The following TBC1D13 variants were observed in gnomAD, a reference collection of about 807,000 sequenced individuals.
TBC1D13 encodes the protein epididymis secretory sperm binding protein.
TBC1D13 carries 40 observed loss-of-function variants against 53.6 expected under a neutral mutation model. The observed-to-expected ratio is 0.75, with a 90% CI of 0.58 to 0.97. The LOEUF is 0.97. TBC1D13 is among the 50% of genes least tolerant of loss of function. The pLI is 0.00. For missense variants in TBC1D13, 377 were observed against 499.4 expected (o/e 0.75, Z 2.34); for synonymous variants, 182 against 197.7 (o/e 0.92, Z 0.67).
intron 2 of TBC1D13, among the ~76,000 whole-genome samples, chr9:128,789,559 C>G (rs568408738): frequency 6.6e-6 from 1 of 151,692 alleles, no homozygotes; most frequent in South Asian, 2.1e-4. Flanking sequence ...TTCCTTCTTA[C>G]GACAATTACG....
chr9:128,794,912 A>G (rs1438128392), intron 6 of TBC1D13, among the ~76,000 whole-genome samples: 1 of 151,718 alleles, frequency 6.6e-6, no homozygotes, highest in Non-Finnish European at 1.5e-5. Context: ...TCTAGACACC[A>G]TCTCCCAACT....
chr9:128,804,925 C>T (rs150031333), intron 9 of TBC1D13, among the ~76,000 whole-genome samples: 4,482 of 151,042 alleles, frequency 0.03, 199 homozygotes, highest in African/African-American at 0.1. Flanking sequence ...GATGGGATTT[C>T]GCTGTGTTGG....
chr9:128,800,963 A>C lies in TBC1D13; in HGVS notation c.544-2287A>C, dbSNP rs189979499. Among the ~76,000 whole-genome samples the C allele has an allele frequency of 5.2e-3, 792 of 152,112 alleles. 11 individuals are homozygous for C. Among genetic ancestry groups the C allele is most frequent in the African/African-American group, 0.018 (752 of 41,500 alleles). The stretch of plus-strand genomic sequence containing the variant: ...GATCACCTGAAGTCAGGAGTTTGAG[A>C]CCAGCCTGACCAACATGGTGGAACC... On this transcript the variant is annotated intron_variant, in intron 7 of 11. Transcript: ENST00000372648.
intron 6 of TBC1D13, among the ~76,000 whole-genome samples, chr9:128,796,242 C>T (rs1363765908): frequency 6.6e-6 from 1 of 151,836 alleles, no homozygotes; most frequent in African/African-American, 2.4e-5. Context: ...CCTCCCACTG[C>T]GCCTGGCTAA....
At chr9:128,788,497 C>A in intron 2 of TBC1D13, 90 bp downstream of exon 2, 4 of 1,199,456 alleles carry the variant, frequency 3.3e-6, no homozygotes, top group Non-Finnish European at 4.9e-6. Flanking sequence ...AGCTCTGGGG[C>A]CCAGCTGCTG....
chr9:128,803,697 T>A (rs566015064), intron 8 of TBC1D13, among the ~76,000 whole-genome samples: 76 of 152,242 alleles, frequency 5.0e-4, no homozygotes, highest in Non-Finnish European at 9.3e-4. Flanking sequence ...TTATAAGATT[T>A]AAATAATGAT....
intron 1 of TBC1D13, 143 bp downstream of exon 1, chr9:128,787,519 C>A: frequency 1.1e-6 from 1 of 875,576 alleles, no homozygotes; most frequent in Non-Finnish European, 1.5e-6. Flanking sequence ...CTTCTAACCT[C>A]ATTGCCTGTG....
chr9:128,803,282 A>C lies in TBC1D13; in HGVS notation c.576A>C (p.Ser192=). ...CCCCACACAAGAACTCTGTGCCATC[A>C]TCCCTAAATGAGTATGAGGTGCTGC... is the stretch of plus-strand genomic sequence containing the variant. ...MSSPHKNSVP[S]SLNEYEVLPN... Residue 192 remains serine, a synonymous_variant, in exon 8 of 12, where the codon TCA becomes TCC. Transcript: ENST00000372648. The C allele has an allele frequency of 6.2e-7, 1 of 1,614,168 alleles. No homozygotes were observed. Among genetic ancestry groups the C allele is most frequent in the East Asian group, 2.2e-5 (1 of 44,880 alleles).
Position 128,808,825 on chromosome 9 carries a change from G to C in TBC1D13, c.*946G>C, listed in dbSNP as rs1284096536. On this transcript the variant is annotated 3_prime_UTR_variant, in exon 12 of 12. Coordinates refer to ENST00000372648, the MANE Select transcript of TBC1D13 (RefSeq NM_018201.5). Reference sequence around the variant, plus strand: ...GGGTTCTGAACCCGTTCCCTACACAGAAATCTTGGAAACCAAATGCTGCTG... The same window carrying C: ...GGGTTCTGAACCCGTTCCCTACACACAAATCTTGGAAACCAAATGCTGCTG... 6.6e-6 allele frequency: 1 copy of C among 152,232 alleles called. No individual in the cohort carries two copies. Among genetic ancestry groups the C allele is most frequent in the African/African-American group, 2.4e-5 (1 of 41,446 alleles). 9.4% of individuals were successfully genotyped at this position (152,232 alleles called of 1,614,324 possible). A position where few individuals can be genotyped will look rare whatever the true frequency, so the allele number is the denominator to read the frequency against.
intron 1 of TBC1D13, among the ~76,000 whole-genome samples, chr9:128,787,978 G>A (rs1829460419): frequency 6.6e-6 from 1 of 152,178 alleles, no homozygotes; most frequent in Non-Finnish European, 1.5e-5. Flanking sequence ...TGGTGGCTGT[G>A]CGTGGACCCG....
chr9:128,792,437 C>G, intron 5 of TBC1D13, 55 bp from the exon 6 acceptor site: 7 of 1,527,050 alleles, frequency 4.6e-6, no homozygotes, highest in Non-Finnish European at 6.3e-6. Context: ...GGGATAGAAT[C>G]GGGCCCCGGG....
At chr9:128,800,289 C>T (rs1209168159) in intron 7 of TBC1D13, among the ~76,000 whole-genome samples, 1 of 151,586 alleles carries the variant, frequency 6.6e-6, no homozygotes, top group African/African-American at 2.4e-5. Context: ...GGGATCCTGG[C>T]AGGCAGCTGG....
At position 128,787,271 on chromosome 9, in the gene TBC1D13, C is replaced by G. The variant is rs1829431784; in HGVS notation, c.-83C>G. ...GGCTTTTGCGCAGAGCCCCGCGTCC[C>G]TGGGGGGCGGCGGCGGCGGCGGCAG... On this transcript the variant is annotated 5_prime_UTR_variant, in exon 1 of 12. Transcript: ENST00000372648. 1 of 1,242,316 alleles carries G rather than the reference C, an allele frequency of 8.0e-7. No individual in the cohort carries two copies. The highest frequency in any genetic ancestry group is 1.0e-6 in the Non-Finnish European group (1 of 983,258). The allele number at this position is 1,242,316 out of a possible 1,614,324, so 77.0% of individuals were successfully genotyped here. A position where few individuals can be genotyped will look rare whatever the true frequency, so the allele number is the denominator to read the frequency against.
chr9:128,808,932 A>C lies in TBC1D13; in HGVS notation c.*1053A>C, dbSNP rs1282264549. 1 of 152,184 alleles carries C rather than the reference A, an allele frequency of 6.6e-6. No individual in the cohort carries two copies. Among genetic ancestry groups the C allele is most frequent in the Non-Finnish European group, 1.5e-5 (1 of 68,094 alleles). The allele number at this position is 152,184 out of a possible 1,614,324, so 9.4% of individuals were successfully genotyped here. On this transcript the variant is annotated 3_prime_UTR_variant, in exon 12 of 12. Coordinates refer to ENST00000372648, the MANE Select transcript of TBC1D13 (RefSeq NM_018201.5). Reference sequence around the variant, plus strand: ...GAAGAGGGGGAGCTGGTTTTTCTGGAGGTTCCCCCAGAGGCCCTCCTGTCC... The same window carrying C: ...GAAGAGGGGGAGCTGGTTTTTCTGGCGGTTCCCCCAGAGGCCCTCCTGTCC...
intron 11 of TBC1D13, 86 bp from the exon 12 acceptor site, chr9:128,807,728 T>G (rs1160142832): frequency 4.2e-6 from 6 of 1,418,086 alleles, no homozygotes; most frequent in Non-Finnish European, 6.0e-6. Context: ...GGATCCAGCA[T>G]GGCAACGGGT....
chr9:128,804,447 C>T (rs1829791302), intron 9 of TBC1D13, among the ~76,000 whole-genome samples: 2 of 150,872 alleles, frequency 1.3e-5, no homozygotes, highest in South Asian at 2.1e-4. Flanking sequence ...CGCTCTGTCG[C>T]CCAGACTGGA....
chr9:128,798,313 A>G (rs1233111077), intron 7 of TBC1D13, among the ~76,000 whole-genome samples: 1 of 151,976 alleles, frequency 6.6e-6, no homozygotes, highest in African/African-American at 2.4e-5. Flanking sequence ...CGAAGTCCTC[A>G]GCGGGAGAGA....
rs541006590 is a variant in TBC1D13 at position 128,806,156 on chromosome 9, C to T, written c.1080-98C>T. 1.4e-4 allele frequency: 221 copies of T among 1,598,368 alleles called. No individual in the cohort carries two copies. The East Asian group carries it at 2.6e-3, about 19-fold the overall frequency. On this transcript the variant is annotated intron_variant, in intron 10 of 11. Coordinates refer to ENST00000372648, the MANE Select transcript of TBC1D13 (RefSeq NM_018201.5). Reference sequence around the variant, plus strand: ...TGGGATTCTGGAGTCCTTGGGAGGGCGACAAACCAAACTTGAGGTGGGTAG... The same window carrying T: ...TGGGATTCTGGAGTCCTTGGGAGGGTGACAAACCAAACTTGAGGTGGGTAG...
intron 9 of TBC1D13, 82 bp from the exon 10 acceptor site, chr9:128,805,777 C>A: frequency 1.4e-6 from 2 of 1,464,778 alleles, no homozygotes; most frequent in Non-Finnish European, 1.8e-6. Flanking sequence ...GTTCTGAATT[C>A]ACTTCTGACC....
Sources: gnomAD v4.1 joint callset for allele counts (sites outside exome capture counted in the v4.1 genomes callset) on GRCh38, gnomAD v4.1.1 for gene constraint, MANE v1.5 for transcripts, NCBI Gene and HGNC (gene_info 2026-07-23, HGNC 2026-07-21) for gene names.